The following OTUD7A variants were observed in gnomAD, a reference collection of about 807,000 sequenced individuals.
OTUD7A encodes OTU domain-containing protein 7A.
A neutral mutation model predicts 65.7 loss-of-function variants in OTUD7A; 12 were observed. The observed-to-expected ratio is 0.18, with a 90% CI of 0.12 to 0.30. The LOEUF (loss-of-function observed/expected upper bound fraction) is 0.30, where lower values mean the gene tolerates loss of function less well. Among genes scored for constraint, OTUD7A ranks in the 10% least tolerant of loss-of-function variants. The probability of loss-of-function intolerance (pLI) is 1.00; values close to 1 mark genes in which losing one functional copy is unlikely to be tolerated. For missense variants in OTUD7A, 1,148 were observed against 1,304.8 expected (o/e 0.88, Z 1.85); for synonymous variants, 641 against 586.3 (o/e 1.09, Z -1.35).
intron 1 of OTUD7A, among the ~76,000 whole-genome samples, chr15:31,775,535 AC>A (rs1277490943): frequency 6.6e-6 from 1 of 152,182 alleles, no homozygotes; most frequent in African/African-American, 2.4e-5. Flanking sequence ...AATTGAAGAG[AC>A]TCATTGAGAT....
At chr15:31,513,297 A>C (rs1310973874) in intron 8 of OTUD7A, among the ~76,000 whole-genome samples, 2 of 152,248 alleles carry the variant, frequency 1.3e-5, no homozygotes, top group Non-Finnish European at 2.9e-5. Flanking sequence ...CCAACCTGGC[A>C]CCCCATCACC....
At chr15:31,754,111 T>A (rs1010031228) in intron 1 of OTUD7A, among the ~76,000 whole-genome samples, 5 of 152,222 alleles carry the variant, frequency 3.3e-5, no homozygotes, top group African/African-American at 1.2e-4. Flanking sequence ...ATTTTTCTGC[T>A]CATTAGTGAT....
rs1268017521 is a variant in OTUD7A at position 31,483,589 on chromosome 15, G to C, written c.2507C>G (p.Ala836Gly). Reference protein sequence around the residue: ...TVNTVESLARAVPGALPGAAG... With the variant: ...TVNTVESLARGVPGALPGAAG... The stretch of plus-strand genomic sequence containing the variant: ...CGCGCCCGGTAGGGCCCCGGGCACC[G>C]CGCGCGCCAGCGACTCGACCGTGTT... Residue 836 changes from alanine (A) to glycine (G), a missense_variant, in exon 13 of 13, where the codon GCG (alanine) becomes GGG (glycine). Around this residue, in one of 6 missense-constraint regions of OTUD7A, gnomAD observed 842 missense variants for 769.5 expected, o/e 1.09. Transcript: ENST00000307050. 1 of 1,232,436 alleles carries C rather than the reference G, an allele frequency of 8.1e-7. No homozygotes were observed. The allele number at this position is 1,232,436 out of a possible 1,614,324, so 76.3% of individuals were successfully genotyped here. A position where few individuals can be genotyped will look rare whatever the true frequency, so the allele number is the denominator to read the frequency against.
At chr15:31,557,996 G>C (rs775088540) in intron 5 of OTUD7A, 7 of 152,242 alleles carry the variant, frequency 4.6e-5, no homozygotes, top group Non-Finnish European at 7.3e-5. Context: ...AGAGCTGGCT[G>C]AAGGCTGGGT....
intron 1 of OTUD7A, chr15:31,765,761 G>A (rs1183737431): frequency 6.1e-6 from 8 of 1,320,762 alleles, no homozygotes; most frequent in East Asian, 2.3e-5. Flanking sequence ...TTAGACTACA[G>A]AACTTTGGTT....
At chr15:31,739,221 A>AAC (rs1386503915) in intron 1 of OTUD7A, among the ~76,000 whole-genome samples, 1 of 152,172 alleles carries the variant, frequency 6.6e-6, no homozygotes, top group Non-Finnish European at 1.5e-5. Context: ...GTAGGGACCC[A>AAC]ACAAACACCT....
chr15:31,613,028 A>G (rs1454485641), intron 3 of OTUD7A, among the ~76,000 whole-genome samples: 3 of 152,214 alleles, frequency 2.0e-5, no homozygotes, highest in South Asian at 2.1e-4. Context: ...AAAGCAAACA[A>G]AAACATAAAG....
At chr15:31,678,265 G>A (rs908896454) in intron 1 of OTUD7A, among the ~76,000 whole-genome samples, 3 of 152,220 alleles carry the variant, frequency 2.0e-5, no homozygotes, top group Non-Finnish European at 4.4e-5. Flanking sequence ...AAAGGAAGCA[G>A]AGCATAAAAG....
At chr15:31,678,303 G>C (rs1426223087) in intron 1 of OTUD7A, among the ~76,000 whole-genome samples, 1 of 152,180 alleles carries the variant, frequency 6.6e-6, no homozygotes, top group Non-Finnish European at 1.5e-5. Context: ...CTGACAATGC[G>C]ATAGAAAAGA....
chr15:31,748,422 T>G (rs1177587130), intron 1 of OTUD7A, among the ~76,000 whole-genome samples: 1 of 151,208 alleles, frequency 6.6e-6, no homozygotes, highest in African/African-American at 2.4e-5. Context: ...TTTATATATA[T>G]GACACACCAT....
At chr15:31,497,946 T>TC (rs1360877654) in intron 10 of OTUD7A, among the ~76,000 whole-genome samples, 1 of 152,212 alleles carries the variant, frequency 6.6e-6, no homozygotes, top group Non-Finnish European at 1.5e-5. Flanking sequence ...TATATGAGCA[T>TC]GAAGGTGGGG....
intron 3 of OTUD7A, among the ~76,000 whole-genome samples, chr15:31,618,451 A>T (rs1040936577): frequency 1.3e-5 from 2 of 152,070 alleles, no homozygotes; most frequent in African/African-American, 4.8e-5. Context: ...TTGTTTCCTG[A>T]CTTTTTAATG....
intron 3 of OTUD7A, among the ~76,000 whole-genome samples, chr15:31,596,876 C>T (rs1301813019): frequency 6.6e-6 from 1 of 152,012 alleles, no homozygotes; most frequent in Non-Finnish European, 1.5e-5. Context: ...AGTGCTCTAT[C>T]AGATACATGT....
At chr15:31,610,801 T>C (rs1463716736) in intron 3 of OTUD7A, among the ~76,000 whole-genome samples, 1 of 151,100 alleles carries the variant, frequency 6.6e-6, no homozygotes, top group East Asian at 2.0e-4. Context: ...TTTTGTATTT[T>C]TGGATTTTTA....
chr15:31,860,399 T>A (rs964611951), intron 1 of OTUD7A, among the ~76,000 whole-genome samples: 1 of 151,944 alleles, frequency 6.6e-6, no homozygotes, highest in African/African-American at 2.4e-5. Flanking sequence ...AAAAAATGAT[T>A]AAATTTCTAA....
intron 1 of OTUD7A, chr15:31,766,704 G>T (rs949265807): frequency 3.7e-6 from 6 of 1,608,770 alleles, no homozygotes; most frequent in Non-Finnish European, 5.1e-6. Context: ...ACTCCTCTTG[G>T]TCTTGAACAA....
chr15:31,718,279 G>A (rs6493897), intron 1 of OTUD7A, among the ~76,000 whole-genome samples: 105,210 of 152,018 alleles, frequency 0.69, 36,859 homozygotes, highest in South Asian at 0.79. Context: ...AAATTTCTCC[G>A]CCATTGGTTT....
chr15:31,509,510 A>C (rs2041643666), intron 8 of OTUD7A, among the ~76,000 whole-genome samples: 1 of 152,074 alleles, frequency 6.6e-6, no homozygotes, highest in Non-Finnish European at 1.5e-5. Flanking sequence ...TGATCTCCTG[A>C]CCTCGTGACC....
intron 1 of OTUD7A, among the ~76,000 whole-genome samples, chr15:31,676,579 T>C (rs1892599425): frequency 6.6e-6 from 1 of 152,244 alleles, no homozygotes; most frequent in Non-Finnish European, 1.5e-5. Flanking sequence ...TGTGCTGGCC[T>C]GTGACCATGA....
Sources: gnomAD v4.1 joint callset for allele counts (sites outside exome capture counted in the v4.1 genomes callset) on GRCh38, gnomAD v4.1.1 for gene constraint, gnomAD v4.1.1 regional missense constraint, MANE v1.5 for transcripts, NCBI Gene and HGNC (gene_info 2026-07-23, HGNC 2026-07-21) for gene names.